C1orf159: variants seen among roughly 807,000 people sequenced by gnomAD.
C1orf159 encodes chromosome 1 open reading frame 159.
In C1orf159, 19 loss-of-function variants were observed where a neutral mutation model predicts 25.6. The ratio of observed to expected loss-of-function variants is 0.74; its 90% CI spans 0.52 to 1.09. C1orf159 has a LOEUF of 1.09. C1orf159 is among the 50% of genes least tolerant of loss of function. C1orf159 has a pLI of 0.00. For synonymous variants in C1orf159, 139 were observed against 124.7 expected (o/e 1.12, Z -0.77); for missense variants, 274 against 290.6 (o/e 0.94, Z 0.42).
Position 1,087,049 on chromosome 1 carries a change from G to T in C1orf159, c.310+90C>A. 3 of 1,311,334 alleles carry T rather than the reference G, an allele frequency of 2.3e-6. No individual in the cohort carries two copies. The highest frequency in any genetic ancestry group is 1.3e-5 in the South Asian group (1 of 79,742). The allele number at this position is 1,311,334 out of a possible 1,614,324, so 81.2% of individuals were successfully genotyped here. A position where few individuals can be genotyped will look rare whatever the true frequency, so the allele number is the denominator to read the frequency against. ...TTTGCAGAACCCTGAGCCTGCTGTG[G>T]CTGCGTCAAGGGTGAGGGTCTGCAC... On this transcript the variant is annotated intron_variant, in intron 6 of 9. Transcript: ENST00000421241. The surrounding 1 kb of genome is among the most constrained non-coding windows in gnomAD (Gnocchi z 8.3).
intron 7 of C1orf159, among the ~76,000 whole-genome samples, 173 bp from the exon 8 acceptor site, chr1:1,084,679 G>A (rs965983459): frequency 1.1e-4 from 17 of 152,090 alleles, no homozygotes; most frequent in African/African-American, 3.4e-4. Context: ...CTCTCCCTGC[G>A]GTGCATCAGC....
intron 9 of C1orf159, 175 bp downstream of exon 9, chr1:1,084,178 G>A: frequency 6.5e-7 from 1 of 1,531,496 alleles, no homozygotes; most frequent in Non-Finnish European, 8.8e-7. Context: ...CAGAGCAGGG[G>A]GCACCAGCCA....
chr1:1,109,948 C>T (rs749472273), intron 1 of C1orf159, among the ~76,000 whole-genome samples: 22 of 152,296 alleles, frequency 1.4e-4, no homozygotes, highest in Admixed American at 1.2e-3. Flanking sequence ...TAGTTATGGC[C>T]GTGAAATGGG....
chr1:1,084,322 C>T (rs1296769280), intron 9 of C1orf159, 31 bp downstream of exon 9: 1 of 1,529,982 alleles, frequency 6.5e-7, no homozygotes, highest in East Asian at 2.3e-5. Context: ...AGATGGGAAA[C>T]CCCACAGGGG....
chr1:1,090,631 T>C (rs1645914213), intron 3 of C1orf159: 2 of 694,148 alleles, frequency 2.9e-6, no homozygotes, highest in Non-Finnish European at 2.5e-6. Context: ...CACATCCCTG[T>C]GGGACCCTGG....
At chr1:1,106,501 C>G (rs964622068) in intron 1 of C1orf159, 6 of 152,238 alleles carry the variant, frequency 3.9e-5, no homozygotes, top group African/African-American at 1.4e-4. Context: ...TACTCTATGA[C>G]CCCGCAACTT....
At chr1:1,101,525 C>T (rs1306521030) in intron 1 of C1orf159, among the ~76,000 whole-genome samples, 1 of 151,994 alleles carries the variant, frequency 6.6e-6, no homozygotes, top group Non-Finnish European at 1.5e-5. Context: ...TCTATCAGCT[C>T]ATGGTCTATC....
intron 9 of C1orf159, 76 bp downstream of exon 9, chr1:1,084,277 G>A (rs761512941): frequency 7.2e-6 from 11 of 1,520,192 alleles, no homozygotes; most frequent in Non-Finnish European, 9.7e-6. Flanking sequence ...ACCCGTTTGG[G>A]GACAAACCCA....
chr1:1,101,313 T>C (rs965700259), intron 1 of C1orf159, among the ~76,000 whole-genome samples: 5 of 151,900 alleles, frequency 3.3e-5, no homozygotes, highest in Admixed American at 1.3e-4. Context: ...CAAAACCCCA[T>C]CTCTACTAAA....
chr1:1,097,703 G>A (rs750549507), intron 1 of C1orf159, among the ~76,000 whole-genome samples: 43 of 151,524 alleles, frequency 2.8e-4, no homozygotes, highest in Middle Eastern at 3.4e-3. Context: ...GATTACAGGC[G>A]TGAACCACCC....
At chr1:1,102,518 G>A (rs1484220865) in intron 1 of C1orf159, among the ~76,000 whole-genome samples, 1 of 144,780 alleles carries the variant, frequency 6.9e-6, no homozygotes, top group Non-Finnish European at 1.5e-5. Flanking sequence ...AGTGGCTCAC[G>A]CCTGTAATCC....
Position 1,110,409 on chromosome 1 carries a change from G to A in C1orf159, c.-136+5651C>T, listed in dbSNP as rs780242407. Among the ~76,000 whole-genome samples, 3 of 152,094 alleles carry A rather than the reference G, an allele frequency of 2.0e-5. No individual in the cohort carries two copies. Among genetic ancestry groups the A allele is most frequent in the South Asian group, 2.1e-4 (1 of 4,826 alleles). On this transcript the variant is annotated intron_variant, in intron 1 of 9. Coordinates refer to ENST00000421241, the MANE Select transcript of C1orf159 (RefSeq NM_017891.5). This position sits in a 1 kb window ranked among gnomAD's most constrained non-coding sequence, Gnocchi z 4.8. ...AGAATGGGAGATAGTCACAGTACACGTACCAGACAAAAGCCCTGAATATGG... is the reference window on the plus strand; with the variant it reads ...AGAATGGGAGATAGTCACAGTACACATACCAGACAAAAGCCCTGAATATGG...
chr1:1,087,644 C>A lies in C1orf159; in HGVS notation c.149-47G>T. 1.5e-6 allele frequency: 2 copies of A among 1,330,110 alleles called. No individual in the cohort carries two copies. Among genetic ancestry groups the A allele is most frequent in the Non-Finnish European group, 2.1e-6 (2 of 966,080 alleles). The allele number at this position is 1,330,110 out of a possible 1,614,324, so 82.4% of individuals were successfully genotyped here. ...CATGTCAGCCAAAGCAAAATCCACA[C>A]CAGCTGGGTCTCCTGGGAATGATTC... On this transcript the variant is annotated intron_variant, in intron 4 of 9. Coordinates refer to ENST00000421241, the MANE Select transcript of C1orf159 (RefSeq NM_017891.5). The surrounding 1 kb of genome is among the most constrained non-coding windows in gnomAD (Gnocchi z 8.3).
chr1:1,090,148 C>T (rs1407200582), intron 4 of C1orf159, among the ~76,000 whole-genome samples: 1 of 152,208 alleles, frequency 6.6e-6, no homozygotes, highest in Non-Finnish European at 1.5e-5. Flanking sequence ...CCAGTCTTCT[C>T]ATGAGGCTGC....
chr1:1,090,556 C>T (rs1645912506), intron 3 of C1orf159, 128 bp from the exon 4 acceptor site: 1 of 1,012,176 alleles, frequency 9.9e-7, no homozygotes, highest in Non-Finnish European at 1.5e-6. Context: ...CTTCTGGAGT[C>T]AGCATCGGGT....
chr1:1,113,281 A>G (rs1432614624), intron 1 of C1orf159, among the ~76,000 whole-genome samples: 2 of 151,972 alleles, frequency 1.3e-5, no homozygotes, highest in Non-Finnish European at 2.9e-5. Flanking sequence ...GCGAGAATCG[A>G]GGCCGCTGCT....
chr1:1,088,768 G>A lies in C1orf159; in HGVS notation c.149-1171C>T, dbSNP rs183708301. On this transcript the variant is annotated intron_variant, in intron 4 of 9. Coordinates refer to ENST00000421241, the MANE Select transcript of C1orf159 (RefSeq NM_017891.5). ...TCGACCCTTCCTCACAGACTGATCT[G>A]AATACAAACGGGCCGCGGCGACACG... Among the ~76,000 whole-genome samples, 81 of 152,254 alleles carry A rather than the reference G, an allele frequency of 5.3e-4. 1 individual carries two copies. In the East Asian group the frequency reaches 0.015, roughly 28 times the overall value.
chr1:1,083,572 G>C, intron 9 of C1orf159: 1 of 294,780 alleles, frequency 3.4e-6, no homozygotes, highest in Non-Finnish European at 6.4e-6. Context: ...GTCCTCCCCG[G>C]AGCCTCGGGA....
chr1:1,108,163 CCAT>C (rs1221549289), intron 1 of C1orf159, among the ~76,000 whole-genome samples: 2 of 149,054 alleles, frequency 1.3e-5, no homozygotes, highest in African/African-American at 5.0e-5. Context: ...ACCACAGCCA[CCAT>C]GTCTCAGCAC....
Sources: gnomAD v4.1 joint callset for allele counts (sites outside exome capture counted in the v4.1 genomes callset) on GRCh38, gnomAD v4.1.1 for gene constraint, Gnocchi (gnomAD v3.1) non-coding constraint, MANE v1.5 for transcripts, NCBI Gene and HGNC (gene_info 2026-07-23, HGNC 2026-07-21) for gene names.